KCMF1: variants seen among roughly 807,000 people sequenced by gnomAD.
The protein encoded by KCMF1 is E3 ubiquitin-protein ligase KCMF1.
KCMF1 carries 3 observed loss-of-function variants against 41.1 expected under a neutral mutation model. The observed-to-expected ratio is 0.07, with a 90% CI of 0.03 to 0.19. The LOEUF (loss-of-function observed/expected upper bound fraction) is 0.19. Among genes scored for constraint, KCMF1 ranks in the 10% least tolerant of loss-of-function variants. The pLI, the probability that KCMF1 is intolerant of heterozygous loss-of-function variation, is 1.00. For missense variants in KCMF1, 286 were observed against 488.9 expected (o/e 0.58, Z 3.91); for synonymous variants, 142 against 164.5 (o/e 0.86, Z 1.04).
At chr2:85,040,981 C>T (rs560076662) in intron 3 of KCMF1, among the ~76,000 whole-genome samples, 6 of 152,036 alleles carry the variant, frequency 3.9e-5, no homozygotes, top group African/African-American at 7.2e-5. Flanking sequence ...AGGCTGGTCT[C>T]GAACTCCTGA....
At position 85,055,719 on chromosome 2, in the gene KCMF1, T is replaced by C. The variant is rs1574047828; in HGVS notation, c.*2310T>C. On this transcript the variant is annotated 3_prime_UTR_variant, in exon 7 of 7. Coordinates refer to ENST00000409785, the MANE Select transcript of KCMF1 (RefSeq NM_020122.5). ...GCCCTTGAAATTCTTGTGTCCTTTT[T>C]CTTTAGTTTCTGAATGAAAATCTTA... 2.0e-5 allele frequency: 3 copies of C among 152,216 alleles called. No homozygotes were observed. In the East Asian group the frequency reaches 5.8e-4, roughly 29 times the overall value. The allele number at this position is 152,216 out of a possible 1,614,324, so 9.4% of individuals were successfully genotyped here.
chr2:85,038,373 C>T (rs1326311427), intron 3 of KCMF1, among the ~76,000 whole-genome samples: 2 of 152,162 alleles, frequency 1.3e-5, no homozygotes, highest in African/African-American at 2.4e-5. Flanking sequence ...CAGGTAGCTA[C>T]AAGCTAGACG....
chr2:85,051,538 G>A (rs1402249357), intron 6 of KCMF1, among the ~76,000 whole-genome samples: 1 of 151,882 alleles, frequency 6.6e-6, no homozygotes, highest in Non-Finnish European at 1.5e-5. Flanking sequence ...TCTGAGTGCT[G>A]TCTGTGGATT....
Position 85,055,050 on chromosome 2 carries a change from G to C in KCMF1, c.*1641G>C, listed in dbSNP as rs1675896745. 6.6e-6 allele frequency: 1 copy of C among 152,276 alleles called. No individual in the cohort carries two copies. The highest frequency in any genetic ancestry group is 1.9e-4 in the East Asian group (1 of 5,182). 9.4% of individuals were successfully genotyped at this position (152,276 alleles called of 1,614,324 possible). On this transcript the variant is annotated 3_prime_UTR_variant, in exon 7 of 7. Coordinates refer to ENST00000409785, the MANE Select transcript of KCMF1 (RefSeq NM_020122.5). ...AAATACAATAGCTTTGTTTTCTTTA[G>C]TTCTGTAATGGATAATGTTTAAAGG...
intron 1 of KCMF1, among the ~76,000 whole-genome samples, chr2:85,025,402 G>A (rs1336779060): frequency 6.6e-6 from 1 of 151,930 alleles, no homozygotes; most frequent in Non-Finnish European, 1.5e-5. Flanking sequence ...CCCCTTTTAG[G>A]TGTACAGTTC....
intron 1 of KCMF1, among the ~76,000 whole-genome samples, chr2:85,008,393 TATATTATATATC>T (rs1368750757): frequency 1.1e-4 from 13 of 118,114 alleles, no homozygotes; most frequent in Admixed American, 1.9e-4. Flanking sequence ...ATATATGATA[TATATTATATATC>T]ATATTATATA....
chr2:85,058,019 G>A lies in KCMF1; in HGVS notation c.*4610G>A, dbSNP rs1675975449. The A allele has an allele frequency of 6.6e-6, 1 of 152,224 alleles. No individual in the cohort carries two copies. The highest frequency in any genetic ancestry group is 1.5e-5 in the Non-Finnish European group (1 of 68,050). 9.4% of individuals were successfully genotyped at this position (152,224 alleles called of 1,614,324 possible). A position where few individuals can be genotyped will look rare whatever the true frequency, so the allele number is the denominator to read the frequency against. ...TCAATTAAAAAGAACCCTTAAGTCT[G>A]ACTGTCCCAGGTAACTTTACTTGCT... On this transcript the variant is annotated 3_prime_UTR_variant, in exon 7 of 7. Transcript: ENST00000409785.
intron 1 of KCMF1, among the ~76,000 whole-genome samples, chr2:84,981,184 C>G (rs1673735024): frequency 6.6e-6 from 1 of 151,366 alleles, no homozygotes; most frequent in African/African-American, 2.4e-5. Flanking sequence ...ACATTATCTT[C>G]TGTTGAATTT....
rs571464909 is a variant in KCMF1, at chr2:84,974,866, C to T, written c.16+3399C>T. Reference sequence around the variant, plus strand: ...GATTGCAGGCGCCCACCACTGCGCCCGGCTAATTTTTGTATTTCGTTTAGT... The same window carrying T: ...GATTGCAGGCGCCCACCACTGCGCCTGGCTAATTTTTGTATTTCGTTTAGT... On this transcript the variant is annotated intron_variant, in intron 1 of 6. Coordinates refer to ENST00000409785, the MANE Select transcript of KCMF1 (RefSeq NM_020122.5). Among the ~76,000 whole-genome samples, 39 of 151,030 alleles carry T rather than the reference C, an allele frequency of 2.6e-4. No homozygotes were observed. The South Asian group carries it at 7.3e-3, about 28-fold the overall frequency.
chr2:85,022,554 A>G (rs1674972212), intron 1 of KCMF1, among the ~76,000 whole-genome samples: 1 of 152,184 alleles, frequency 6.6e-6, no homozygotes, highest in African/African-American at 2.4e-5. Flanking sequence ...GTTGTTGTAA[A>G]CAATTCCAGC....
At chr2:85,021,941 G>A (rs565292247) in intron 1 of KCMF1, among the ~76,000 whole-genome samples, 15 of 151,524 alleles carry the variant, frequency 9.9e-5, no homozygotes, top group Admixed American at 2.6e-4. Flanking sequence ...CTCAGCCTCC[G>A]GAGTAGCTGG....
At chr2:85,004,461 G>A (rs1241677464) in intron 1 of KCMF1, among the ~76,000 whole-genome samples, 5 of 151,672 alleles carry the variant, frequency 3.3e-5, no homozygotes, top group Non-Finnish European at 5.9e-5. Flanking sequence ...GCAGTGAGCC[G>A]AGATCGCGCC....
chr2:84,974,900 G>C (rs575726491), intron 1 of KCMF1, among the ~76,000 whole-genome samples: 1 of 150,912 alleles, frequency 6.6e-6, no homozygotes, highest in South Asian at 2.1e-4. Context: ...GTAGAGATGG[G>C]GTTTCACCAT....
intron 1 of KCMF1, among the ~76,000 whole-genome samples, chr2:84,975,054 A>T (rs1344352693): frequency 2.0e-5 from 3 of 152,040 alleles, no homozygotes; most frequent in African/African-American, 7.2e-5. Flanking sequence ...TTGTCATTTG[A>T]CACCCCCACC....
chr2:85,008,320 T>TATGA (rs1674541800), intron 1 of KCMF1, among the ~76,000 whole-genome samples: 4 of 68,210 alleles, frequency 5.9e-5, no homozygotes, highest in African/African-American at 3.0e-4. Flanking sequence ...GATATATATA[T>TATGA]CATATATAAT....
intron 3 of KCMF1, among the ~76,000 whole-genome samples, chr2:85,036,994 C>A (rs1470116958): frequency 2.7e-5 from 4 of 150,390 alleles, no homozygotes; most frequent in Non-Finnish European, 5.9e-5. Context: ...TGCCCCATGC[C>A]CCCCCATCCC....
At chr2:84,978,377 C>A (rs1181179329) in intron 1 of KCMF1, among the ~76,000 whole-genome samples, 1 of 151,738 alleles carries the variant, frequency 6.6e-6, no homozygotes, top group African/African-American at 2.4e-5. Flanking sequence ...TAAACAGACC[C>A]CTTCATATTA....
intron 1 of KCMF1, among the ~76,000 whole-genome samples, chr2:84,986,927 G>A (rs1673914902): frequency 1.3e-5 from 2 of 152,096 alleles, no homozygotes; most frequent in African/African-American, 4.8e-5. Flanking sequence ...GGTTCCAAGG[G>A]TGAAGTGGGA....
At chr2:85,006,102 C>T (rs1674463325) in intron 1 of KCMF1, among the ~76,000 whole-genome samples, 1 of 151,666 alleles carries the variant, frequency 6.6e-6, no homozygotes, top group Non-Finnish European at 1.5e-5. Context: ...GTTTAGGAGC[C>T]CATTGTTATA....
Sources: gnomAD v4.1 joint callset for allele counts (sites outside exome capture counted in the v4.1 genomes callset) on GRCh38, gnomAD v4.1.1 for gene constraint, MANE v1.5 for transcripts, NCBI Gene and HGNC (gene_info 2026-07-23, HGNC 2026-07-21) for gene names.